ZBTB43: variants seen among roughly 807,000 people sequenced by gnomAD.
ZBTB43 encodes zinc finger and BTB domain-containing protein 43.
Under a neutral mutation model 31.1 loss-of-function variants are expected in ZBTB43, and 6 were observed. The ratio of observed to expected loss-of-function variants is 0.19; its 90% CI spans 0.11 to 0.38. ZBTB43 has a LOEUF of 0.38. Ranked by LOEUF, ZBTB43 falls within the 10% of genes least tolerant of loss-of-function variation. The pLI, the probability that ZBTB43 is intolerant of heterozygous loss-of-function variation, is 1.00. For synonymous variants in ZBTB43, 212 were observed against 221.7 expected, an observed-to-expected ratio of 0.96 and a Z score of 0.39; for missense variants, 379 against 602.1, an observed-to-expected ratio of 0.63 and a Z score of 3.88.
chr9:126,819,225 G>GT (rs2119135130), intron 2 of ZBTB43, among the ~76,000 whole-genome samples: 1 of 150,674 alleles, frequency 6.6e-6, no homozygotes, highest in African/African-American at 2.4e-5. Flanking sequence ...TGTGCACTTG[G>GT]TGGCTGACAT....
rs77073657 is a variant in ZBTB43 at position 126,823,227 on chromosome 9, A to G, written c.-23-9260A>G. 0.022 allele frequency among the ~76,000 whole-genome samples: 3,327 copies of G among 152,264 alleles called. 427 individuals are homozygous for G. The East Asian group carries it at 0.38, about 17-fold the overall frequency. ...GGTATTGGAGTCTCCACCTATTATTATAGAACTGTCTATTCCTTCCTTCAA... is the reference window on the plus strand; with the variant it reads ...GGTATTGGAGTCTCCACCTATTATTGTAGAACTGTCTATTCCTTCCTTCAA... On this transcript the variant is annotated intron_variant, in intron 2 of 2. Coordinates refer to ENST00000373464, the MANE Select transcript of ZBTB43 (RefSeq NM_014007.4).
At position 126,835,333 on chromosome 9, in the gene ZBTB43, T is replaced by C. The variant is rs113794008; in HGVS notation, c.*1420T>C. ...GGTAATATTGCACATGCTTTTAAGCTGTGTAACATACCTGAGGTTATCACC... is the reference window on the plus strand; with the variant it reads ...GGTAATATTGCACATGCTTTTAAGCCGTGTAACATACCTGAGGTTATCACC... On this transcript the variant is annotated 3_prime_UTR_variant, in exon 3 of 3. Coordinates refer to ENST00000373464, the MANE Select transcript of ZBTB43 (RefSeq NM_014007.4). 6.0e-6 allele frequency: 1 copy of C among 167,132 alleles called. No individual in the cohort carries two copies. Among genetic ancestry groups the C allele is most frequent in the African/African-American group, 2.4e-5 (1 of 41,466 alleles). 10.4% of individuals were successfully genotyped at this position (167,132 alleles called of 1,614,324 possible).
intron 2 of ZBTB43, among the ~76,000 whole-genome samples, chr9:126,826,051 T>C (rs2119152467): frequency 6.8e-6 from 1 of 148,124 alleles, no homozygotes; most frequent in East Asian, 2.0e-4. Context: ...TTCGCTCTTG[T>C]TGCCCAGGCT....
At chr9:126,817,013 G>A (rs1354503920) in intron 2 of ZBTB43, among the ~76,000 whole-genome samples, 2 of 148,828 alleles carry the variant, frequency 1.3e-5, no homozygotes, top group African/African-American at 2.5e-5. Flanking sequence ...GTGAAAGAGT[G>A]TTACTGATCC....
chr9:126,828,794 A>G (rs571980746), intron 2 of ZBTB43, among the ~76,000 whole-genome samples: 13 of 152,032 alleles, frequency 8.6e-5, no homozygotes, highest in African/African-American at 2.7e-4. Context: ...AAAATCAGCT[A>G]ACTGAAAAAA....
intron 2 of ZBTB43, among the ~76,000 whole-genome samples, chr9:126,809,499 A>G (rs1042636518): frequency 3.3e-5 from 5 of 152,242 alleles, no homozygotes; most frequent in Admixed American, 6.5e-5. Flanking sequence ...GAAGGACTTC[A>G]CAATAAGTAG....
chr9:126,834,100 TC>T lies in ZBTB43; in HGVS notation c.*189del. On this transcript the variant is annotated 3_prime_UTR_variant, in exon 3 of 3. Transcript: ENST00000373464. ...AATCTAATTCCTCAAATTTGTGTGTTCCAGTCCTGGCCTGGAATGGGTAATG... is the reference window on the plus strand; with the variant it reads ...AATCTAATTCCTCAAATTTGTGTGTTCAGTCCTGGCCTGGAATGGGTAATG... The T allele has an allele frequency of 1.5e-6, 1 of 658,022 alleles. No individual in the cohort carries two copies. Among genetic ancestry groups the T allele is most frequent in the African/African-American group, 1.8e-5 (1 of 55,086 alleles). 40.8% of individuals were successfully genotyped at this position (658,022 alleles called of 1,614,324 possible).
At chr9:126,819,044 T>C (rs185995263) in intron 2 of ZBTB43, among the ~76,000 whole-genome samples, 14 of 152,334 alleles carry the variant, frequency 9.2e-5, no homozygotes, top group Admixed American at 5.2e-4. Flanking sequence ...TTAAGGGTAT[T>C]GTTTAATTTC....
At chr9:126,831,081 C>G (rs1284222821) in intron 2 of ZBTB43, among the ~76,000 whole-genome samples, 2 of 152,168 alleles carry the variant, frequency 1.3e-5, no homozygotes. Context: ...CTGGAGAAAT[C>G]TGCATTGCTC....
In ZBTB43 at chr9:126,833,195, G is replaced by C. The variant is rs924714975; in HGVS notation, c.686G>C (p.Arg229Pro). 6.2e-7 allele frequency: 1 copy of C among 1,613,690 alleles called. No individual in the cohort carries two copies. The highest frequency in any genetic ancestry group is 8.5e-7 in the Non-Finnish European group (1 of 1,180,024). Residue 229 changes from arginine to proline, a missense_variant, in exon 3 of 3, where the codon CGG (arginine) becomes CCG (proline). Physicochemically the swap from Arg to Pro is moderately radical, Grantham distance 103. Coordinates refer to ENST00000373464, the MANE Select transcript of ZBTB43 (RefSeq NM_014007.4). The surrounding 1 kb of genome is among the most constrained non-coding windows in gnomAD (Gnocchi z 7.9). ...GACAGCGCCGAGTTCCACTACACCC[G>C]GCCCATGTACAGCAAGCCCAGCATC... is the stretch of plus-strand genomic sequence containing the variant. ...ASDSAEFHYT[R>P]PMYSKPSIMA...
rs1048115447 is a variant in ZBTB43, at chr9:126,836,302, T to A, written c.*2389T>A. 2 of 167,098 alleles carry A rather than the reference T, an allele frequency of 1.2e-5. No homozygotes were observed. The highest frequency in any genetic ancestry group is 3.1e-3 in the Middle Eastern group (1 of 318). 10.4% of individuals were successfully genotyped at this position (167,098 alleles called of 1,614,324 possible). A position where few individuals can be genotyped will look rare whatever the true frequency, so the allele number is the denominator to read the frequency against. On this transcript the variant is annotated 3_prime_UTR_variant, in exon 3 of 3. Transcript: ENST00000373464. ...GTTGTGCTAGGACTTATTTAATATG[T>A]TGTGAAGAGAAGAGTGTCTTCTTGA...
chr9:126,814,309 A>T (rs2032318685), intron 2 of ZBTB43, among the ~76,000 whole-genome samples: 1 of 151,098 alleles, frequency 6.6e-6, no homozygotes, highest in Non-Finnish European at 1.5e-5. Flanking sequence ...TTTACAGATG[A>T]AATTTACATC....
At chr9:126,812,339 C>T (rs535365634) in intron 2 of ZBTB43, among the ~76,000 whole-genome samples, 5 of 152,286 alleles carry the variant, frequency 3.3e-5, no homozygotes, top group Admixed American at 1.3e-4. Context: ...ATGGTTTTCA[C>T]TTTTTGGCTT....
At chr9:126,812,539 A>G (rs1342512280) in intron 2 of ZBTB43, among the ~76,000 whole-genome samples, 3 of 152,208 alleles carry the variant, frequency 2.0e-5, no homozygotes, top group African/African-American at 4.8e-5. Context: ...CCAGCAATGT[A>G]TGGAGGTTAT....
At chr9:126,822,591 A>G (rs1040900447) in intron 2 of ZBTB43, among the ~76,000 whole-genome samples, 1 of 151,948 alleles carries the variant, frequency 6.6e-6, no homozygotes, top group Non-Finnish European at 1.5e-5. Context: ...AAATACAAAA[A>G]TTAGCTGAAC....
intron 2 of ZBTB43, among the ~76,000 whole-genome samples, chr9:126,828,654 A>ATTATTATT (rs1554742745): frequency 6.7e-4 from 86 of 127,724 alleles, no homozygotes; most frequent in Admixed American, 2.1e-3. Context: ...TAATAATAAT[A>ATTATTATT]ATTATTATTA....
chr9:126,829,868 T>C (rs913984278), intron 2 of ZBTB43, among the ~76,000 whole-genome samples: 1 of 152,232 alleles, frequency 6.6e-6, no homozygotes, highest in African/African-American at 2.4e-5. Context: ...CTCATTTATA[T>C]AGTCAACTTT....
At chr9:126,820,025 A>G (rs113405067) in intron 2 of ZBTB43, among the ~76,000 whole-genome samples, 1 of 152,240 alleles carries the variant, frequency 6.6e-6, no homozygotes, top group African/African-American at 2.4e-5. Flanking sequence ...ACTGCAGAAG[A>G]AAAGTTTGAA....
chr9:126,833,487 C>T lies in ZBTB43; in HGVS notation c.978C>T (p.Ser326=), dbSNP rs201483625. The stretch of plus-strand genomic sequence containing the variant: ...ATGGCTCTTCCATGGAAGAGTTTTC[C>T]GGAGAGAGGTCAGATGGGAATCTAA... ...DFYGSSMEEF[S]GERSDGNLIG... is the part of the protein sequence containing the mutation. Residue 326 remains serine, a synonymous_variant, in exon 3 of 3, where the codon TCC becomes TCT. Transcript: ENST00000373464. The surrounding 1 kb of genome is among the most constrained non-coding windows in gnomAD (Gnocchi z 7.9). 56 of 1,613,956 alleles carry T rather than the reference C, an allele frequency of 3.5e-5. No individual in the cohort carries two copies. The highest frequency in any genetic ancestry group is 1.6e-4 in the Middle Eastern group (1 of 6,084).
Sources: allele counts gnomAD v4.1 joint callset (sites outside exome capture counted in the v4.1 genomes callset), GRCh38; gene constraint gnomAD v4.1.1; non-coding constraint Gnocchi (gnomAD v3.1); transcripts MANE v1.5; gene names NCBI Gene and HGNC (gene_info 2026-07-23, HGNC 2026-07-21).